THSD4: variants seen among roughly 807,000 people sequenced by gnomAD.
THSD4 encodes the protein thrombospondin type 1 domain containing 4, also known as thrombospondin type-1 domain-containing protein 4.
In THSD4, 69 loss-of-function variants were observed where a neutral mutation model predicts 119.0. The ratio of observed to expected loss-of-function variants is 0.58; its 90% confidence interval spans 0.48 to 0.71. The LOEUF is 0.71. THSD4 is among the 30% of genes least tolerant of loss of function. THSD4 has a pLI of 0.00. For missense variants in THSD4, 1,393 were observed against 1,391.1 expected (o/e 1.00, Z -0.02); for synonymous variants, 524 against 540.4 (o/e 0.97, Z 0.42).
intron 8 of THSD4, among the ~76,000 whole-genome samples, chr15:71,668,539 C>G (rs1420874499): frequency 2.0e-5 from 3 of 152,136 alleles, no homozygotes; most frequent in African/African-American, 7.2e-5. Flanking sequence ...AACAGACACC[C>G]CCACTCCCAG....
chr15:71,409,154 T>TCC (rs758192926), intron 6 of THSD4, among the ~76,000 whole-genome samples: 1,627 of 83,680 alleles, frequency 0.019, 17 homozygotes, highest in Admixed American at 0.038. Context: ...GCTTTTTTTT[T>TCC]TCCCCCCCCC....
intron 7 of THSD4, among the ~76,000 whole-genome samples, chr15:71,551,878 G>A (rs1027485348): frequency 1.1e-4 from 17 of 152,292 alleles, no homozygotes; most frequent in Middle Eastern, 3.4e-3. Context: ...TACAGTAGAG[G>A]CGCAGCAAGC....
intron 7 of THSD4, among the ~76,000 whole-genome samples, chr15:71,451,130 G>A (rs1471059198): frequency 1.3e-5 from 2 of 152,028 alleles, no homozygotes; most frequent in Non-Finnish European, 2.9e-5. Context: ...GTGAGCCAAG[G>A]TCACAACACT....
chr15:71,607,335 G>A (rs1299795841), intron 7 of THSD4, among the ~76,000 whole-genome samples: 1 of 152,186 alleles, frequency 6.6e-6, no homozygotes, highest in Non-Finnish European at 1.5e-5. Flanking sequence ...AGAATGGATG[G>A]CATTTGTAAA....
chr15:71,678,002 G>A (rs554340301), intron 8 of THSD4, among the ~76,000 whole-genome samples: 9 of 152,320 alleles, frequency 5.9e-5, no homozygotes, highest in Admixed American at 1.3e-4. Context: ...CTAGGCAGCA[G>A]CGCCTAAGGA....
chr15:71,731,240 CG>C (rs776187037), intron 10 of THSD4, 23 bp downstream of exon 10: 1 of 1,604,310 alleles, frequency 6.2e-7, no homozygotes, highest in Non-Finnish European at 8.5e-7. Context: ...GTCTTGTGGC[CG>C]GGGACTCTGG....
At chr15:71,736,287 C>CGCTCTCTGTCTCTCCT (rs2053103897) in intron 10 of THSD4, among the ~76,000 whole-genome samples, 1 of 150,196 alleles carries the variant, frequency 6.7e-6, no homozygotes, top group African/African-American at 2.5e-5. Context: ...CTGTCTCTCT[C>CGCTCTCTGTCTCTCCT]GCTCTCTGTC....
At chr15:71,426,220 G>A (rs574299009) in intron 7 of THSD4, among the ~76,000 whole-genome samples, 3 of 152,266 alleles carry the variant, frequency 2.0e-5, no homozygotes, top group Admixed American at 1.3e-4. Flanking sequence ...GGCTTCCATC[G>A]GGACACATTG....
chr15:71,250,493 A>G (rs1160551394), intron 5 of THSD4, among the ~76,000 whole-genome samples: 1 of 151,882 alleles, frequency 6.6e-6, no homozygotes, highest in Non-Finnish European at 1.5e-5. Context: ...GCTTATTTTT[A>G]TTTTTTGTAG....
intron 7 of THSD4, among the ~76,000 whole-genome samples, chr15:71,631,476 G>T (rs1422296678): frequency 2.0e-5 from 3 of 152,146 alleles, no homozygotes; most frequent in Non-Finnish European, 4.4e-5. Flanking sequence ...GTGGTTAGTA[G>T]AACTCTTAAA....
chr15:71,742,383 G>A (rs2053253481), intron 11 of THSD4, among the ~76,000 whole-genome samples: 1 of 152,162 alleles, frequency 6.6e-6, no homozygotes. Context: ...CAAGTCTAAA[G>A]TCATTTACTT....
intron 7 of THSD4, among the ~76,000 whole-genome samples, chr15:71,443,984 T>G (rs1479517847): frequency 6.6e-6 from 1 of 152,244 alleles, no homozygotes. Flanking sequence ...TCTGTCTGTC[T>G]CATGGTTATC....
At chr15:71,516,377 A>G (rs1356487795) in intron 7 of THSD4, among the ~76,000 whole-genome samples, 1 of 151,988 alleles carries the variant, frequency 6.6e-6, no homozygotes, top group African/African-American at 2.4e-5. Context: ...CTCTGCAACA[A>G]CCTCACGGCT....
intron 7 of THSD4, among the ~76,000 whole-genome samples, chr15:71,462,159 A>T (rs545921943): frequency 2.0e-5 from 3 of 152,210 alleles, no homozygotes; most frequent in Admixed American, 6.5e-5. Context: ...CACTAAACTT[A>T]GTTCTGATCA....
intron 3 of THSD4, chr15:71,188,666 C>T (rs1042636821): frequency 4.6e-5 from 7 of 152,440 alleles, no homozygotes; most frequent in Non-Finnish European, 7.3e-5. Context: ...AATTTTCACC[C>T]ATGACAGGGT....
At chr15:71,517,807 C>T (rs1331291389) in intron 7 of THSD4, among the ~76,000 whole-genome samples, 1 of 152,212 alleles carries the variant, frequency 6.6e-6, no homozygotes, top group African/African-American at 2.4e-5. Flanking sequence ...AAGGTCCAAA[C>T]CTTGCTCTGT....
chr15:71,216,890 G>A (rs1476122016), intron 4 of THSD4, among the ~76,000 whole-genome samples: 1 of 152,108 alleles, frequency 6.6e-6, no homozygotes. Context: ...CTCCAACTCC[G>A]GGTTCAAGCT....
chr15:71,618,299 A>G (rs1311132095), intron 7 of THSD4, among the ~76,000 whole-genome samples: 1 of 152,186 alleles, frequency 6.6e-6, no homozygotes, highest in East Asian at 1.9e-4. Context: ...AAAGTAAGCA[A>G]TCCCACTTCC....
At chr15:71,754,377 A>ACC (rs995738101) in intron 14 of THSD4, among the ~76,000 whole-genome samples, 12 of 152,284 alleles carry the variant, frequency 7.9e-5, no homozygotes, top group African/African-American at 2.9e-4. Context: ...GGTGTGAGCC[A>ACC]CCACACCTGG....
Sources: gnomAD v4.1 joint callset for allele counts (sites outside exome capture counted in the v4.1 genomes callset) on GRCh38, gnomAD v4.1.1 for gene constraint, MANE v1.5 for transcripts, NCBI Gene and HGNC (gene_info 2026-07-23, HGNC 2026-07-21) for gene names.